The following BTBD9 variants were observed in gnomAD, a reference collection of about 807,000 sequenced individuals.
BTBD9 encodes the protein BTB/POZ domain-containing protein 9.
In BTBD9, 49 loss-of-function variants were observed where a neutral mutation model predicts 64.3. The ratio of observed to expected loss-of-function variants is 0.76; its 90% confidence interval spans 0.61 to 0.97. The LOEUF (loss-of-function observed/expected upper bound fraction) is 0.97, where lower values mean the gene tolerates loss of function less well. BTBD9 is among the 50% of genes least tolerant of loss of function. The probability of loss-of-function intolerance (pLI) is 0.00; values close to 1 mark genes in which losing one functional copy is unlikely to be tolerated. For synonymous variants in BTBD9, 260 were observed against 274.7 expected, an observed-to-expected ratio of 0.95 and a Z score of 0.53; for missense variants, 598 against 762.1, an observed-to-expected ratio of 0.78 and a Z score of 2.53.
rs13212638 is a variant in BTBD9 at position 38,171,724 on chromosome 6, A to G, written c.*3261T>C. On this transcript the variant is annotated 3_prime_UTR_variant, in exon 11 of 11. Transcript: ENST00000481247. ...GGCTGCATGGACACAGCTGCTGCCC[A>G]GCACACACCCTACCTGCCCTACACT... 95,259 of 149,600 alleles carry G rather than the reference A, an allele frequency of 0.64. 32,329 individuals carry two copies. Among genetic ancestry groups the G allele is most frequent in the Non-Finnish European group, 0.78 (52,399 of 67,406 alleles). 9.3% of individuals were successfully genotyped at this position (149,600 alleles called of 1,614,324 possible). A position where few individuals can be genotyped will look rare whatever the true frequency, so the allele number is the denominator to read the frequency against.
At chr6:38,280,303 CTCTGAGG>C (rs1761461939) in intron 8 of BTBD9, among the ~76,000 whole-genome samples, 1 of 152,114 alleles carries the variant, frequency 6.6e-6, no homozygotes, top group Admixed American at 6.6e-5. Context: ...GGAACCAGAG[CTCTGAGG>C]TCTGAGGGTG....
rs775409342 is a variant in BTBD9 at position 38,594,197 on chromosome 6, T to C, written c.316A>G (p.Lys106Glu). The change falls in exon 3 of 11, where the codon AAG (lysine) becomes GAG (glutamate). Residue 106 changes from lysine to glutamate, a missense_variant. Physicochemically the swap from Lys to Glu is moderately conservative, Grantham distance 56. Coordinates refer to ENST00000481247, the MANE Select transcript of BTBD9 (RefSeq NM_001099272.2). ...YTGRATLTDE[K>E]EEVLLDFLSL... The stretch of plus-strand genomic sequence containing the variant: ...AAAAAGTCCAGCAGCACCTCCTCCT[T>C]CTCATCTGTCAGCGTTGCCCGCCCA... 108 of 1,614,064 alleles carry C rather than the reference T, an allele frequency of 6.7e-5. No homozygotes were observed. Among genetic ancestry groups the C allele is most frequent in the Middle Eastern group, 3.3e-4 (2 of 6,084 alleles).
At chr6:38,215,934 T>G (rs73410491) in intron 9 of BTBD9, among the ~76,000 whole-genome samples, 1,970 of 152,274 alleles carry the variant, frequency 0.013, 53 homozygotes, top group African/African-American at 0.045. Context: ...CCACTAATCC[T>G]TCCATTGTTC....
intron 6 of BTBD9, among the ~76,000 whole-genome samples, chr6:38,405,610 AAAAC>A (rs1197047124): frequency 2.0e-5 from 3 of 152,152 alleles, no homozygotes; most frequent in African/African-American, 4.8e-5. Flanking sequence ...GTTAAAAAAA[AAAAC>A]AAACAATAAC....
intron 6 of BTBD9, among the ~76,000 whole-genome samples, chr6:38,540,725 A>G (rs1306714380): frequency 2.0e-5 from 3 of 152,242 alleles, no homozygotes; most frequent in Non-Finnish European, 2.9e-5. Context: ...TGTCTCAAGA[A>G]AACACTGGTA....
rs544280760 is a variant in BTBD9, at chr6:38,488,545, T to C, written c.1154+89055A>G. 5.9e-5 allele frequency among the ~76,000 whole-genome samples: 9 copies of C among 152,236 alleles called. No individual in the cohort carries two copies. In the East Asian group the frequency reaches 1.7e-3, roughly 29 times the overall value. ...GCATAGCACAGTCCTGTCTCCGGGCTCCTAGGCCACGTCTATTCTCACTGT... is the reference window on the plus strand; with the variant it reads ...GCATAGCACAGTCCTGTCTCCGGGCCCCTAGGCCACGTCTATTCTCACTGT... On this transcript the variant is annotated intron_variant, in intron 6 of 10. Coordinates refer to ENST00000481247, the MANE Select transcript of BTBD9 (RefSeq NM_001099272.2).
chr6:38,621,868 C>T (rs1777993502), intron 1 of BTBD9, among the ~76,000 whole-genome samples: 1 of 152,210 alleles, frequency 6.6e-6, no homozygotes, highest in East Asian at 1.9e-4. Context: ...AACCTCCCAA[C>T]AGAAATACCT....
intron 9 of BTBD9, among the ~76,000 whole-genome samples, chr6:38,251,180 TGAG>T (rs1764388708): frequency 6.6e-6 from 1 of 151,194 alleles, no homozygotes; most frequent in Non-Finnish European, 1.5e-5. Flanking sequence ...ATAACAAAAA[TGAG>T]GAGTGGTTAA....
intron 9 of BTBD9, among the ~76,000 whole-genome samples, chr6:38,243,443 G>A (rs940321492): frequency 6.0e-5 from 9 of 149,446 alleles, no homozygotes; most frequent in African/African-American, 2.2e-4. Flanking sequence ...TACAGCAACA[G>A]ACGTAGAGTA....
intron 8 of BTBD9, among the ~76,000 whole-genome samples, chr6:38,264,814 T>G (rs1013209008): frequency 6.6e-6 from 1 of 152,032 alleles, no homozygotes; most frequent in Admixed American, 6.6e-5. Context: ...GTGTGTGAAG[T>G]AGACCAGGCG....
intron 7 of BTBD9, among the ~76,000 whole-genome samples, chr6:38,339,946 A>C (rs1475592567): frequency 1.3e-5 from 2 of 152,136 alleles, no homozygotes; most frequent in Non-Finnish European, 2.9e-5. Flanking sequence ...ATCAGTAACA[A>C]AAATCTTAAA....
chr6:38,213,474 T>C (rs1762903348), intron 9 of BTBD9, among the ~76,000 whole-genome samples: 1 of 152,076 alleles, frequency 6.6e-6, no homozygotes, highest in African/African-American at 2.4e-5. Flanking sequence ...CACTGGAATC[T>C]CTGAATATGA....
chr6:38,369,301 C>T (rs1407036129), intron 6 of BTBD9, among the ~76,000 whole-genome samples: 1 of 152,206 alleles, frequency 6.6e-6, no homozygotes, highest in Non-Finnish European at 1.5e-5. Context: ...ACCATTTCTG[C>T]TTAAAATACT....
At chr6:38,386,630 C>CT (rs11423572) in intron 6 of BTBD9, among the ~76,000 whole-genome samples, 13,888 of 92,772 alleles carry the variant, frequency 0.15, 1,157 homozygotes, top group East Asian at 0.34. Context: ...CCAGTTTACT[C>CT]TTTTTTTTTT....
chr6:38,252,457 C>T (rs879299632), intron 9 of BTBD9, among the ~76,000 whole-genome samples: 7 of 152,172 alleles, frequency 4.6e-5, no homozygotes, highest in African/African-American at 7.2e-5. Context: ...ATTCAAGTTA[C>T]GCCTATAAAC....
chr6:38,458,292 T>A (rs1769912712), intron 6 of BTBD9, among the ~76,000 whole-genome samples: 2 of 152,356 alleles, frequency 1.3e-5, no homozygotes, highest in South Asian at 4.1e-4. Flanking sequence ...TACAAGCTAA[T>A]ATGTCAGATA....
chr6:38,410,742 C>T (rs745446392), intron 6 of BTBD9, among the ~76,000 whole-genome samples: 8 of 151,016 alleles, frequency 5.3e-5, no homozygotes, highest in South Asian at 2.1e-4. Flanking sequence ...TGTCATGTCA[C>T]GAGGGCCGGG....
intron 6 of BTBD9, among the ~76,000 whole-genome samples, chr6:38,455,271 A>G (rs1769744445): frequency 6.6e-6 from 1 of 152,194 alleles, no homozygotes. Flanking sequence ...GCCTTTTTGT[A>G]GTGAAATTCT....
intron 9 of BTBD9, among the ~76,000 whole-genome samples, chr6:38,210,565 TG>T (rs1289392684): frequency 6.6e-6 from 1 of 151,820 alleles, no homozygotes; most frequent in East Asian, 1.9e-4. Context: ...TGTGTGTGTG[TG>T]TGTGTGTGTG....
Sources: gnomAD v4.1 joint callset for allele counts (sites outside exome capture counted in the v4.1 genomes callset) on GRCh38, gnomAD v4.1.1 for gene constraint, MANE v1.5 for transcripts, NCBI Gene and HGNC (gene_info 2026-07-23, HGNC 2026-07-21) for gene names.